The following ADGRL2 variants were observed in gnomAD, a reference collection of about 807,000 sequenced individuals.
ADGRL2 encodes the protein calcium-independent alpha-latrotoxin receptor 2.
Under a neutral mutation model 157.4 loss-of-function variants are expected in ADGRL2, and 44 were observed. That is an observed-to-expected ratio of 0.28 (90% CI 0.22 to 0.36). The LOEUF is 0.36. ADGRL2 is among the 10% of genes least tolerant of loss of function. ADGRL2 has a pLI of 1.00. For synonymous variants in ADGRL2, 585 were observed against 624.7 expected, an observed-to-expected ratio of 0.94 and a Z score of 0.95; for missense variants, 1,510 against 1,768.9, an observed-to-expected ratio of 0.85 and a Z score of 2.63.
chr1:81,910,627 C>CTT lies in ADGRL2; in HGVS notation c.287+3407_287+3408dup, dbSNP rs557605440. Among the ~76,000 whole-genome samples, 3 of 141,758 alleles carry CTT rather than the reference C, an allele frequency of 2.1e-5. No individual in the cohort carries two copies. The East Asian group carries it at 6.1e-4, about 29-fold the overall frequency. The allele number at this position is 141,758 out of a possible 152,430, so 93.0% of individuals were successfully genotyped here. ...ATACGAGACACCTAACTCTTGGCAC[C>CTT]TTTTTTTTTTTGTTTTAATTGTGGT... On this transcript the variant is annotated intron_variant, in intron 3 of 23. Coordinates refer to ENST00000686636, the MANE Select transcript of ADGRL2 (RefSeq NM_001366006.2).
intron 2 of ADGRL2, among the ~76,000 whole-genome samples, chr1:81,848,098 A>G (rs570052233): frequency 7.0e-4 from 107 of 151,860 alleles, no homozygotes; most frequent in African/African-American, 2.4e-3. Context: ...AGTGGACACA[A>G]TCTCCTTTTC....
rs149848298 is a variant in ADGRL2, at chr1:81,728,567, G to A, written c.-143+28759G>A. Among the ~76,000 whole-genome samples the A allele has an allele frequency of 7.1e-3, 1,079 of 152,086 alleles. 9 individuals carry two copies. The highest frequency in any genetic ancestry group is 0.022 in the African/African-American group (926 of 41,490). On this transcript the variant is annotated intron_variant, in intron 1 of 20. Transcript: ENST00000359929. ...CATAGTCTAATACATAAGCACAATC[G>A]AAGTTTATTATAAAAACTATAGAGA...
chr1:81,784,888 C>T (rs1189408779), intron 2 of ADGRL2, among the ~76,000 whole-genome samples: 8 of 151,922 alleles, frequency 5.3e-5, no homozygotes, highest in Admixed American at 4.6e-4. Context: ...TGTTAATTAT[C>T]CAATTTTATG....
chr1:81,936,907 GT>G (rs1306995896), intron 4 of ADGRL2, 70 bp downstream of exon 4: 2 of 921,762 alleles, frequency 2.2e-6, no homozygotes, highest in Admixed American at 3.4e-5. Context: ...GACTACACAT[GT>G]GAAAGAAGCA....
At chr1:81,768,229 T>C (rs1397104343) in intron 2 of ADGRL2, among the ~76,000 whole-genome samples, 2 of 152,020 alleles carry the variant, frequency 1.3e-5, no homozygotes, top group African/African-American at 4.8e-5. Context: ...AAATTTTTTG[T>C]GTAGACAGGG....
intron 2 of ADGRL2, among the ~76,000 whole-genome samples, chr1:81,446,093 G>A (rs2077591889): frequency 2.0e-5 from 3 of 152,024 alleles, no homozygotes; most frequent in Admixed American, 2.0e-4. Flanking sequence ...TGTTTTAGCA[G>A]CCTCTCTCCT....
chr1:81,451,850 T>C (rs2077708538), intron 2 of ADGRL2, among the ~76,000 whole-genome samples: 1 of 152,196 alleles, frequency 6.6e-6, no homozygotes, highest in Non-Finnish European at 1.5e-5. Flanking sequence ...GTTAGAAAAA[T>C]ATATGAATAT....
chr1:81,755,878 C>G (rs928764084), intron 1 of ADGRL2, among the ~76,000 whole-genome samples: 2 of 152,106 alleles, frequency 1.3e-5, no homozygotes, highest in Admixed American at 6.6e-5. Flanking sequence ...TCTTGCAATT[C>G]ACAGTATGGC....
intron 3 of ADGRL2, among the ~76,000 whole-genome samples, chr1:81,596,921 A>T (rs543446030): frequency 1.3e-5 from 2 of 152,220 alleles, no homozygotes; most frequent in South Asian, 4.1e-4. Context: ...CCTGTCCCCC[A>T]TCTGTCTGTC....
intron 2 of ADGRL2, among the ~76,000 whole-genome samples, chr1:81,473,040 A>C (rs2078203255): frequency 6.7e-6 from 1 of 150,090 alleles, no homozygotes; most frequent in African/African-American, 2.4e-5. Flanking sequence ...TGTTATGTGA[A>C]CTCAATGGAT....
intron 2 of ADGRL2, among the ~76,000 whole-genome samples, chr1:81,476,622 C>A (rs1396706054): frequency 1.3e-5 from 2 of 152,116 alleles, no homozygotes; most frequent in Non-Finnish European, 2.9e-5. Context: ...CCTGTCAATT[C>A]TTTTCAATGG....
At chr1:81,818,856 G>T (rs998143703) in intron 1 of ADGRL2, among the ~76,000 whole-genome samples, 2 of 152,132 alleles carry the variant, frequency 1.3e-5, no homozygotes, top group African/African-American at 4.8e-5. Flanking sequence ...CATTTATTTA[G>T]AACTGAAGGC....
intron 2 of ADGRL2, among the ~76,000 whole-genome samples, chr1:81,855,909 C>T (rs1332422384): frequency 6.6e-6 from 1 of 152,142 alleles, no homozygotes; most frequent in African/African-American, 2.4e-5. Flanking sequence ...GTCATATTCA[C>T]AGTAGAAGTG....
At chr1:81,501,954 G>T in intron 2 of ADGRL2, 2 of 1,613,822 alleles carry the variant, frequency 1.2e-6, no homozygotes, top group Non-Finnish European at 1.7e-6. Context: ...GCCACAGCTG[G>T]GAGACCTTCT....
intron 1 of ADGRL2, among the ~76,000 whole-genome samples, chr1:81,404,439 T>C (rs934969146): frequency 5.3e-5 from 8 of 152,208 alleles, no homozygotes; most frequent in East Asian, 1.9e-4. Context: ...AATAAATCTA[T>C]GAAGGTTTTT....
At chr1:81,615,952 T>G (rs2081637093) in intron 3 of ADGRL2, among the ~76,000 whole-genome samples, 1 of 151,772 alleles carries the variant, frequency 6.6e-6, no homozygotes, top group Non-Finnish European at 1.5e-5. Flanking sequence ...AAATTGGGAG[T>G]TTTGAAGCAG....
intron 3 of ADGRL2, among the ~76,000 whole-genome samples, chr1:81,923,217 C>T (rs978298284): frequency 1.3e-5 from 2 of 152,090 alleles, no homozygotes; most frequent in African/African-American, 4.8e-5. Flanking sequence ...ATACAGCTAA[C>T]GTGGGGTTTT....
chr1:81,719,759 G>A (rs1186518940), intron 1 of ADGRL2, among the ~76,000 whole-genome samples: 1 of 152,060 alleles, frequency 6.6e-6, no homozygotes, highest in Non-Finnish European at 1.5e-5. Flanking sequence ...TTTGTATACA[G>A]CCCAATGCTA....
At chr1:81,497,088 G>C (rs2078746565) in intron 2 of ADGRL2, among the ~76,000 whole-genome samples, 2 of 152,118 alleles carry the variant, frequency 1.3e-5, no homozygotes. Flanking sequence ...AAAAGGGCCA[G>C]GAATGACTTA....
Sources: gnomAD v4.1 joint callset for allele counts (sites outside exome capture counted in the v4.1 genomes callset) on GRCh38, gnomAD v4.1.1 for gene constraint, MANE v1.5 for transcripts, NCBI Gene and HGNC (gene_info 2026-07-23, HGNC 2026-07-21) for gene names.